FER: variants seen among roughly 807,000 people sequenced by gnomAD.
FER encodes the protein FER tyrosine kinase.
FER carries 63 observed loss-of-function variants against 111.0 expected under a neutral mutation model. The ratio of observed to expected loss-of-function variants is 0.57; its 90% CI spans 0.46 to 0.70. The LOEUF (loss-of-function observed/expected upper bound fraction) is 0.70, where lower values mean the gene tolerates loss of function less well. Among genes scored for constraint, FER ranks in the 30% least tolerant of loss-of-function variants. The probability of loss-of-function intolerance (pLI) is 0.00; values close to 1 mark genes in which losing one functional copy is unlikely to be tolerated. For missense variants in FER, 914 were observed against 954.0 expected (o/e 0.96, Z 0.55); for synonymous variants, 327 against 313.9 (o/e 1.04, Z -0.44).
chr5:109,127,263 C>T (rs1400062118), intron 17 of FER, among the ~76,000 whole-genome samples: 1 of 152,152 alleles, frequency 6.6e-6, no homozygotes, highest in Non-Finnish European at 1.5e-5. Flanking sequence ...GGATTATTTA[C>T]ACTATTTCAT....
intron 13 of FER, among the ~76,000 whole-genome samples, chr5:108,992,486 T>A (rs1373942434): frequency 3.3e-5 from 4 of 120,324 alleles, no homozygotes; most frequent in Non-Finnish European, 7.3e-5. Flanking sequence ...CCGGACGGGG[T>A]GGCTGGCCGG....
intron 10 of FER, among the ~76,000 whole-genome samples, chr5:108,937,934 T>C (rs1755707722): frequency 6.6e-6 from 1 of 151,604 alleles, no homozygotes; most frequent in South Asian, 2.1e-4. Flanking sequence ...ACAGAATATG[T>C]GGTGAAGGGA....
intron 17 of FER, among the ~76,000 whole-genome samples, chr5:109,135,863 AAAG>A (rs1381939654): frequency 6.6e-6 from 1 of 152,176 alleles, no homozygotes; most frequent in Non-Finnish European, 1.5e-5. Context: ...CAAAAACAGA[AAAG>A]AAAGCAAAAG....
At chr5:108,966,496 T>G (rs1469034236) in intron 13 of FER, among the ~76,000 whole-genome samples, 1 of 150,950 alleles carries the variant, frequency 6.6e-6, no homozygotes, top group African/African-American at 2.4e-5. Context: ...CAAGCAATTC[T>G]CCTGCCTCAG....
chr5:108,763,913 T>C (rs1752028899), intron 1 of FER, among the ~76,000 whole-genome samples: 1 of 152,240 alleles, frequency 6.6e-6, no homozygotes, highest in South Asian at 2.1e-4. Context: ...TAGTAGGTAC[T>C]TATCATCATC....
intron 13 of FER, among the ~76,000 whole-genome samples, chr5:108,962,436 C>T (rs921318428): frequency 1.3e-5 from 2 of 152,308 alleles, no homozygotes; most frequent in Non-Finnish European, 2.9e-5. Flanking sequence ...TTTGCTCCCC[C>T]TTCTTCTGCC....
Position 109,187,597 on chromosome 5 carries a change from A to G in FER, c.*22A>G, listed in dbSNP as rs1047797220. The G allele has an allele frequency of 1.5e-5, 24 of 1,613,840 alleles. No homozygotes were observed. The highest frequency in any genetic ancestry group is 1.9e-5 in the Non-Finnish European group (23 of 1,179,890). ...ATAGTGACAGGATGGCGCCAAACTC[A>G]GCCTTCAGGACTCTGTCCTCCAGCA... On this transcript the variant is annotated 3_prime_UTR_variant, in exon 20 of 20. Transcript: ENST00000281092.
intron 13 of FER, among the ~76,000 whole-genome samples, chr5:108,984,632 TTTA>T (rs1445194035): frequency 2.6e-5 from 4 of 152,144 alleles, no homozygotes; most frequent in African/African-American, 9.6e-5. Context: ...GTACTTAATA[TTTA>T]TTGAGTATTA....
intron 3 of FER, among the ~76,000 whole-genome samples, chr5:108,800,837 G>C (rs1255158145): frequency 6.6e-6 from 1 of 152,180 alleles, no homozygotes; most frequent in African/African-American, 2.4e-5. Context: ...ACAAGGTCAG[G>C]AGATCGAGAC....
At chr5:109,026,455 C>G (rs1387220182) in intron 13 of FER, among the ~76,000 whole-genome samples, 1 of 151,894 alleles carries the variant, frequency 6.6e-6, no homozygotes, top group Non-Finnish European at 1.5e-5. Context: ...TAAAGCAACC[C>G]TGATAACTTT....
chr5:108,998,546 T>C (rs1342170389), intron 13 of FER, among the ~76,000 whole-genome samples: 1 of 152,168 alleles, frequency 6.6e-6, no homozygotes, highest in African/African-American at 2.4e-5. Context: ...ATCCCCTGCC[T>C]TCTCCCTGGG....
intron 12 of FER, among the ~76,000 whole-genome samples, chr5:108,956,974 C>T (rs1581388872): frequency 6.6e-6 from 1 of 151,400 alleles, no homozygotes; most frequent in African/African-American, 2.4e-5. Context: ...ACAAGTGTTC[C>T]AATAGAAGAG....
intron 13 of FER, among the ~76,000 whole-genome samples, chr5:108,993,526 G>C (rs984438331): frequency 5.3e-5 from 8 of 151,482 alleles, no homozygotes; most frequent in Non-Finnish European, 1.0e-4. Context: ...GAGGGAGACT[G>C]TGGAAAGAGA....
intron 13 of FER, among the ~76,000 whole-genome samples, chr5:108,967,759 CAAAAAAA>C (rs774855414): frequency 8.7e-5 from 3 of 34,454 alleles, no homozygotes; most frequent in African/African-American, 3.2e-4. Flanking sequence ...GACTCCGTCT[CAAAAAAA>C]AAAAAAAAAA....
chr5:108,785,504 T>C, intron 2 of FER: 1 of 565,584 alleles, frequency 1.8e-6, no homozygotes, highest in East Asian at 4.7e-5. Context: ...GTTTGCTGGC[T>C]ACACAGACAA....
At chr5:109,126,898 T>C (rs961939636) in intron 17 of FER, among the ~76,000 whole-genome samples, 80 of 152,324 alleles carry the variant, frequency 5.3e-4, no homozygotes, top group African/African-American at 1.8e-3. Flanking sequence ...GTCTACATTT[T>C]GATGAGCACT....
At chr5:109,091,847 G>A (rs957569652) in intron 16 of FER, among the ~76,000 whole-genome samples, 2 of 152,036 alleles carry the variant, frequency 1.3e-5, no homozygotes, top group African/African-American at 4.8e-5. Context: ...ATTAAGAGGT[G>A]GGGCCTTCAG....
intron 10 of FER, among the ~76,000 whole-genome samples, chr5:108,903,933 A>G (rs937573265): frequency 5.9e-5 from 9 of 152,250 alleles, no homozygotes; most frequent in African/African-American, 2.2e-4. Context: ...TGCAAATAAA[A>G]ACACAAGTGT....
chr5:108,868,397 A>G (rs1370022588), intron 6 of FER, among the ~76,000 whole-genome samples: 1 of 152,054 alleles, frequency 6.6e-6, no homozygotes, highest in Non-Finnish European at 1.5e-5. Flanking sequence ...TGCAAAGCAC[A>G]TTATCTGATG....
Sources: gnomAD v4.1 joint callset for allele counts (sites outside exome capture counted in the v4.1 genomes callset) on GRCh38, gnomAD v4.1.1 for gene constraint, MANE v1.5 for transcripts, NCBI Gene and HGNC (gene_info 2026-07-23, HGNC 2026-07-21) for gene names.